Variants in ZNF81 observed in about 807,000 individuals in gnomAD.
ZNF81 encodes the protein zinc finger protein 81 (HFZ20).
Under a neutral mutation model 32.3 loss-of-function variants are expected in ZNF81, and 5 were observed. The ratio of observed to expected loss-of-function variants is 0.15; its 90% CI spans 0.08 to 0.33. The LOEUF (loss-of-function observed/expected upper bound fraction) is 0.33. Among genes scored for constraint, ZNF81 ranks in the 10% least tolerant of loss-of-function variants. ZNF81 has a pLI of 1.00. For missense variants in ZNF81, 379 were observed against 479.8 expected (o/e 0.79, Z 1.96); for synonymous variants, 163 against 166.8 (o/e 0.98, Z 0.17).
intron 1 of ZNF81, among the ~76,000 whole-genome samples, chrX:47,843,007 G>A (rs1418678538): frequency 8.9e-6 from 1 of 111,979 alleles, no homozygotes; most frequent in Non-Finnish European, 1.9e-5. Flanking sequence ...AAAATGCATT[G>A]CTATACAGTT....
chrX:47,902,160 A>C (rs975654114), intron 4 of ZNF81, among the ~76,000 whole-genome samples: 17 of 111,468 alleles, frequency 1.5e-4, no homozygotes, highest in Non-Finnish European at 1.9e-4. Context: ...TTTTTCATTA[A>C]TACTTCTGTA....
chrX:47,847,870 C>T (rs1395834903), intron 2 of ZNF81, among the ~76,000 whole-genome samples: 1 of 111,272 alleles, frequency 9.0e-6, no homozygotes, highest in Non-Finnish European at 1.9e-5. Flanking sequence ...TTGATCCTGA[C>T]ACTAAATTTG....
At chrX:47,904,063 A>T (rs1277670570) in intron 4 of ZNF81, among the ~76,000 whole-genome samples, 2 of 111,620 alleles carry the variant, frequency 1.8e-5, no homozygotes, top group East Asian at 5.6e-4. Context: ...AATTAATTCA[A>T]GATGGATTAA....
At chrX:47,905,598 T>C (rs2148039582) in intron 4 of ZNF81, among the ~76,000 whole-genome samples, 1 of 110,542 alleles carries the variant, frequency 9.0e-6, no homozygotes, top group Non-Finnish European at 1.9e-5. Context: ...TGGGGAACCC[T>C]AGCCATCTTC....
Position 47,917,645 on chromosome X carries a change from A to G in ZNF81, c.*1013A>G, listed in dbSNP as rs1446213515. The G allele has an allele frequency of 3.5e-5, 6 of 170,468 alleles. No homozygotes were observed. In the East Asian group the frequency reaches 6.5e-4, roughly 19 times the overall value. 14.0% of individuals were successfully genotyped at this position (170,468 alleles called of 1,213,427 possible). A position where few individuals can be genotyped will look rare whatever the true frequency, so the allele number is the denominator to read the frequency against. On this transcript the variant is annotated 3_prime_UTR_variant, in exon 5 of 5. Transcript: ENST00000338637. ...GCCCCTTAGACCAAGTAGCCTGCCA[A>G]TTGTCAGAATTGGGAGTGAGGTTTT...
At chrX:47,845,079 G>T (rs1371704697) in intron 1 of ZNF81, among the ~76,000 whole-genome samples, 7 of 112,027 alleles carry the variant, frequency 6.2e-5, no homozygotes, top group Non-Finnish European at 9.4e-5. Context: ...AGAGAATAAA[G>T]TATGTTTTCC....
In ZNF81 at chrX:47,840,901, A is replaced by C. The variant is rs191101856; in HGVS notation, c.-164+3914A>C. On this transcript the variant is annotated intron_variant, in intron 1 of 4. Coordinates refer to ENST00000338637, the MANE Select transcript of ZNF81 (RefSeq NM_007137.5). ...AAGATACTTGATAAAAATTCCCCCC[A>C]AAAATAAAAACACATGCTTCCACTT... The C allele has an allele frequency of 2.6e-4, 112 of 438,805 alleles. No homozygotes were observed. The East Asian group carries it at 3.1e-3, about 12-fold the overall frequency. 36.2% of individuals were successfully genotyped at this position (438,805 alleles called of 1,213,427 possible).
At chrX:47,841,065 C>A in intron 1 of ZNF81, 1 of 863,049 alleles carries the variant, frequency 1.2e-6, no homozygotes, top group Non-Finnish European at 1.7e-6. Flanking sequence ...CATGACGGGC[C>A]ACTGACAGGT....
At chrX:47,837,735 C>T (rs1363942811) in intron 1 of ZNF81, among the ~76,000 whole-genome samples, 1 of 112,426 alleles carries the variant, frequency 8.9e-6, no homozygotes, top group African/African-American at 3.2e-5. Flanking sequence ...TATCCCTCTG[C>T]CAGTACTACC....
rs1187106612 is a variant in ZNF81, at chrX:47,925,000, CATT to C, written c.*8371_*8373del. ...TACCAGTGGTAAGTTATAGATATAA[CATT>C]ATAACCATAAATAATTGAGCATTCA... On this transcript the variant is annotated 3_prime_UTR_variant, in exon 5 of 5. Transcript: ENST00000338637. 9.0e-6 allele frequency among the ~76,000 whole-genome samples: 1 copy of C among 111,349 alleles called. No homozygotes were observed. The highest frequency in any genetic ancestry group is 1.9e-5 in the Non-Finnish European group (1 of 53,023).
In ZNF81 at chrX:47,915,023, A is replaced by T. The variant is rs1202545255; in HGVS notation, c.377A>T (p.Tyr126Phe). The change falls in exon 5 of 5, where the codon TAC becomes TTC. Residue 126 changes from tyrosine (Y) to phenylalanine (F), a missense_variant. Tyr to Phe is a conservative substitution (Grantham distance 22). This residue lies in a region of ZNF81 where 277 missense variants were observed against 306.6 expected (regional missense o/e 0.90). Transcript: ENST00000338637. ...GAAGACACAAGAGATGATTCATTAT[A>T]CTCTATTTTAGAAGAATTGTGGCAA... Reference protein sequence around the residue: ...EGEDTRDDSLYSILEELWQDA... With the variant: ...EGEDTRDDSLFSILEELWQDA... The T allele has an allele frequency of 1.2e-5, 14 of 1,206,777 alleles. No homozygotes were observed. Among genetic ancestry groups the T allele is most frequent in the East Asian group, 5.9e-5 (2 of 33,737 alleles).
chrX:47,842,476 C>G (rs1481123038), intron 1 of ZNF81, among the ~76,000 whole-genome samples: 3 of 111,485 alleles, frequency 2.7e-5, no homozygotes, highest in Non-Finnish European at 5.7e-5. Flanking sequence ...ACCCAGGGAA[C>G]TCAACCACTG....
intron 1 of ZNF81, among the ~76,000 whole-genome samples, chrX:47,843,432 T>TACACACACACACACACACACAC (rs782116296): frequency 6.0e-4 from 58 of 96,879 alleles, no homozygotes; most frequent in African/African-American, 1.9e-3. Flanking sequence ...TTCCTATATC[T>TACACACACACACACACACACAC]ACACACACAC....
chrX:47,907,037 G>A (rs1556889251), intron 4 of ZNF81, among the ~76,000 whole-genome samples: 2 of 107,089 alleles, frequency 1.9e-5, no homozygotes, highest in African/African-American at 3.4e-5. Flanking sequence ...AGAGCATTAA[G>A]CTCTGAGTCC....
intron 2 of ZNF81, among the ~76,000 whole-genome samples, chrX:47,873,762 G>A (rs940410443): frequency 6.3e-5 from 7 of 111,611 alleles, no homozygotes; most frequent in Non-Finnish European, 1.3e-4. Flanking sequence ...CGCCTCCTGG[G>A]TATAAGTGAT....
At chrX:47,881,834 TG>T (rs200304178) in intron 2 of ZNF81, among the ~76,000 whole-genome samples, 6,290 of 111,788 alleles carry the variant, frequency 0.056, 195 homozygotes, top group African/African-American at 0.12. Flanking sequence ...TGGAATGCAG[TG>T]GTGCATCCAT....
intron 4 of ZNF81, among the ~76,000 whole-genome samples, chrX:47,913,641 A>G (rs1418944868): frequency 8.9e-6 from 1 of 112,339 alleles, no homozygotes; most frequent in Non-Finnish European, 1.9e-5. Context: ...AAAGACAGTA[A>G]TAGGACCACT....
At chrX:47,850,871 A>C (rs1556881090) in intron 2 of ZNF81, among the ~76,000 whole-genome samples, 3 of 95,468 alleles carry the variant, frequency 3.1e-5, no homozygotes, top group African/African-American at 7.6e-5. Context: ...AAACACGTGC[A>C]CTCATTCACA....
chrX:47,907,386 A>G (rs2058724426), intron 4 of ZNF81, among the ~76,000 whole-genome samples: 1 of 101,781 alleles, frequency 9.8e-6, no homozygotes, highest in Non-Finnish European at 2.0e-5. Flanking sequence ...ATACATTTAA[A>G]CTGTCTTGTT....
Sources: gnomAD v4.1 joint callset for allele counts (sites outside exome capture counted in the v4.1 genomes callset) on GRCh38, gnomAD v4.1.1 for gene constraint, gnomAD v4.1.1 regional missense constraint, MANE v1.5 for transcripts, NCBI Gene and HGNC (gene_info 2026-07-23, HGNC 2026-07-21) for gene names.